Variants in ACTN3 observed in about 807,000 individuals in gnomAD.
ACTN3 encodes the protein alpha-actinin-3.
ACTN3 carries 91 observed loss-of-function variants against 119.6 expected under a neutral mutation model. The observed-to-expected ratio is 0.76, with a 90% CI of 0.64 to 0.91. ACTN3 has a LOEUF of 0.91. ACTN3 is among the 40% of genes least tolerant of loss of function. The pLI is 0.00. For missense variants in ACTN3, 1,221 were observed against 1,215.1 expected (o/e 1.00, Z -0.07); for synonymous variants, 456 against 478.8 (o/e 0.95, Z 0.62).
At position 66,563,139 on chromosome 11, in the gene ACTN3, A is replaced by C. The variant is rs1857836288; in HGVS notation, c.2652A>C (p.Gly884=). ...ACAAGGGATCCGGGGCCCCGGCTGG[A>C]GCCCTGGACTACGTGGCCTTCTCCA... is the stretch of plus-strand genomic sequence containing the variant. ...VPYKGSGAPA[G]ALDYVAFSSA... The change falls in exon 21 of 21, where the codon GGA becomes GGC. Residue 884 remains glycine (G), a synonymous_variant. Transcript: ENST00000513398. The C allele has an allele frequency of 6.2e-7, 1 of 1,613,094 alleles. No individual in the cohort carries two copies. Among genetic ancestry groups the C allele is most frequent in the African/African-American group, 1.3e-5 (1 of 74,900 alleles).
chr11:66,563,150 A>G lies in ACTN3; in HGVS notation c.2663A>G (p.Tyr888Cys), dbSNP rs1857836849. ...GSGAPAGALD[Y>C]VAFSSALYGE... Reference sequence around the variant, plus strand: ...GGGGCCCCGGCTGGAGCCCTGGACTACGTGGCCTTCTCCAGTGCCCTCTAT... The same window carrying G: ...GGGGCCCCGGCTGGAGCCCTGGACTGCGTGGCCTTCTCCAGTGCCCTCTAT... Residue 888 changes from tyrosine (Y) to cysteine (C), a missense_variant, in exon 21 of 21, where the codon TAC becomes TGC. Tyr to Cys is a radical substitution (Grantham distance 194). Around this residue, in one of 3 missense-constraint regions of ACTN3, gnomAD observed 934 missense variants for 899.9 expected, o/e 1.04. Transcript: ENST00000513398. 2 of 1,613,044 alleles carry G rather than the reference A, an allele frequency of 1.2e-6. No homozygotes were observed. Among genetic ancestry groups the G allele is most frequent in the Non-Finnish European group, 1.7e-6 (2 of 1,179,518 alleles).
At chr11:66,554,646 G>A in intron 5 of ACTN3, 23 bp downstream of exon 5, 6 of 1,596,838 alleles carry the variant, frequency 3.8e-6, no homozygotes, top group South Asian at 1.1e-5. Context: ...GTTACCAAAT[G>A]TGTCTGGGCC....
In ACTN3 at chr11:66,560,156, G is replaced by A. The variant is rs761075715; in HGVS notation, c.1537-15G>A. On this transcript the variant is annotated splice_polypyrimidine_tract_variant and intron_variant, in intron 13 of 20. Transcript: ENST00000513398. Reference sequence around the variant, plus strand: ...GCAGGGCAGGCTTCTGACCCACTACGCCTCCCACCTCTAGCGGATGGAGAA... The same window carrying A: ...GCAGGGCAGGCTTCTGACCCACTACACCTCCCACCTCTAGCGGATGGAGAA... 102 of 1,589,960 alleles carry A rather than the reference G, an allele frequency of 6.4e-5. No homozygotes were observed. Among genetic ancestry groups the A allele is most frequent in the South Asian group, 5.0e-4 (44 of 87,490 alleles).
intron 8 of ACTN3, 122 bp downstream of exon 8, chr11:66,556,352 C>G (rs1857590164): frequency 1.1e-6 from 1 of 901,936 alleles, no homozygotes; most frequent in Non-Finnish European, 1.7e-6. Context: ...GCTGCACACA[C>G]TCAGTCTTCA....
At chr11:66,555,516 G>A (rs1857574233) in intron 7 of ACTN3, 149 bp downstream of exon 7, 1 of 755,700 alleles carries the variant, frequency 1.3e-6, no homozygotes, top group Non-Finnish European at 2.2e-6. Context: ...TTCTCCAGGA[G>A]TCCTCTATCT....
At chr11:66,555,826 C>A (rs1231395736) in intron 7 of ACTN3, among the ~76,000 whole-genome samples, 1 of 152,188 alleles carries the variant, frequency 6.6e-6, no homozygotes, top group Non-Finnish European at 1.5e-5. Context: ...GGGAAAGACA[C>A]ACAGACCGAG....
At position 66,561,597 on chromosome 11, in the gene ACTN3, G is replaced by C; in HGVS notation, c.2135G>C (p.Ser712Thr). The change falls in exon 17 of 21, where the codon AGC becomes ACC. Residue 712 changes from serine (S) to threonine (T), a missense_variant. Physicochemically the swap from Ser to Thr is moderately conservative, Grantham distance 58. Coordinates refer to ENST00000513398, the MANE Select transcript of ACTN3 (RefSeq NM_001104.4). Reference protein sequence around the residue: ...LEGDHQLLQESLVFDNKHTVY... With the variant: ...LEGDHQLLQETLVFDNKHTVY... ...GGTGACCACCAGCTGCTGCAGGAGA[G>C]CCTGGTGTTCGACAATAAGCACACC... is the stretch of plus-strand genomic sequence containing the variant. The C allele has an allele frequency of 6.2e-7, 1 of 1,613,082 alleles. No homozygotes were observed. Among genetic ancestry groups the C allele is most frequent in the Non-Finnish European group, 8.5e-7 (1 of 1,179,600 alleles).
chr11:66,556,077 G>C (rs1340364116), intron 7 of ACTN3, 68 bp from the exon 8 acceptor site: 18 of 1,449,304 alleles, frequency 1.2e-5, no homozygotes, highest in Non-Finnish European at 1.7e-5. Context: ...CTCCCACCCA[G>C]AGAGAGTTCT....
rs1287647515 is a variant in ACTN3 at position 66,563,171 on chromosome 11, T to G, written c.2684T>G (p.Leu895Arg). 1 of 1,608,858 alleles carries G rather than the reference T, an allele frequency of 6.2e-7. No homozygotes were observed. Among genetic ancestry groups the G allele is most frequent in the Non-Finnish European group, 8.5e-7 (1 of 1,177,198 alleles). Residue 895 changes from leucine to arginine, a missense_variant, in exon 21 of 21, where the codon CTC becomes CGC. Coordinates refer to ENST00000513398, the MANE Select transcript of ACTN3 (RefSeq NM_001104.4). The part of the protein sequence containing the change: ...ALDYVAFSSA[L>R]YGESDL ...GACTACGTGGCCTTCTCCAGTGCCC[T>G]CTATGGGGAGAGCGACCTTTGACCC...
intron 12 of ACTN3, 50 bp downstream of exon 12, chr11:66,559,436 C>G (rs1285239463): frequency 1.4e-6 from 2 of 1,406,026 alleles, no homozygotes. Flanking sequence ...GCCCCGCCCC[C>G]GGTGGCGAGC....
rs754832354 is a variant in ACTN3 at position 66,560,264 on chromosome 11, G to A, written c.1630G>A (p.Glu544Lys). The A allele has an allele frequency of 2.5e-6, 4 of 1,613,400 alleles. No individual in the cohort carries two copies. In the South Asian group the frequency reaches 3.3e-5, roughly 13 times the overall value. Residue 544 changes from glutamate (E) to lysine (K), a missense_variant, in exon 14 of 21, where the codon GAG becomes AAG. Coordinates refer to ENST00000513398, the MANE Select transcript of ACTN3 (RefSeq NM_001104.4). ...PFNNWLDGAV[E>K]DLQDVWLVHS... ...CAACAACTGGCTGGATGGTGCCGTG[G>A]AGGACCTGCAGGACGTGTGGCTGGT... is the stretch of plus-strand genomic sequence containing the variant.
chr11:66,553,146 C>G (rs985445148), intron 3 of ACTN3, among the ~76,000 whole-genome samples: 1 of 151,642 alleles, frequency 6.6e-6, no homozygotes, highest in Non-Finnish European at 1.5e-5. Context: ...CCCAGCTACT[C>G]GGGAGGCTGA....
In ACTN3 at chr11:66,547,022, C is replaced by G; in HGVS notation, c.85C>G (p.Gln29Glu). ...CGGCGGGGGCGGCGAGTACATGGAA[C>G]AGGAGGAGGACTGGGACCGCGACCT... ...GGGGGGEYME[Q>E]EEDWDRDLLL... Residue 29 changes from glutamine to glutamate, a missense_variant, in exon 1 of 21, where the codon CAG (glutamine) becomes GAG (glutamate). Physicochemically the swap from Gln to Glu is conservative, Grantham distance 29 (BLOSUM62 2). Transcript: ENST00000513398. The G allele has an allele frequency of 6.6e-7, 1 of 1,522,510 alleles. No homozygotes were observed. The allele number at this position is 1,522,510 out of a possible 1,614,324, so 94.3% of individuals were successfully genotyped here. A position where few individuals can be genotyped will look rare whatever the true frequency, so the allele number is the denominator to read the frequency against.
At chr11:66,546,897 G>T (rs780815797), upstream of ACTN3, 1 of 1,522,870 alleles carries the variant, frequency 6.6e-7, no homozygotes, top group Admixed American at 2.2e-5. Flanking sequence ...CCGGGTGTCC[G>T]AGAGCGTGCC....
At chr11:66,553,919 A>T in intron 3 of ACTN3, 126 bp from the exon 4 acceptor site, 2 of 616,922 alleles carry the variant, frequency 3.2e-6, no homozygotes, top group Non-Finnish European at 5.7e-6. Flanking sequence ...GTGCTCACCT[A>T]CTAGGTGCCA....
chr11:66,557,026 G>T, intron 8 of ACTN3, 107 bp from the exon 9 acceptor site: 2 of 948,108 alleles, frequency 2.1e-6, no homozygotes, highest in Non-Finnish European at 3.2e-6. Context: ...CTCCCAAACT[G>T]CTGGGATTAC....
chr11:66,555,064 T>C, intron 5 of ACTN3, 66 bp from the exon 6 acceptor site: 1 of 1,471,816 alleles, frequency 6.8e-7, no homozygotes, highest in Non-Finnish European at 9.5e-7. Context: ...GGGGTGCTCC[T>C]GGGCCGAGGG....
chr11:66,551,803 C>T (rs1857478412), intron 3 of ACTN3, 156 bp downstream of exon 3: 9 of 676,058 alleles, frequency 1.3e-5, no homozygotes, highest in South Asian at 1.3e-4. Flanking sequence ...CAGCCAGGCA[C>T]GGTGGCTCAC....
intron 2 of ACTN3, 69 bp downstream of exon 2, chr11:66,551,422 G>A (rs1362772969): frequency 1.3e-6 from 2 of 1,564,696 alleles, no homozygotes; most frequent in East Asian, 4.8e-5. Flanking sequence ...GGGGAATAGG[G>A]TGGCGGAGTG....
Sources: gnomAD v4.1 joint callset for allele counts (sites outside exome capture counted in the v4.1 genomes callset) on GRCh38, gnomAD v4.1.1 for gene constraint, gnomAD v4.1.1 regional missense constraint, MANE v1.5 for transcripts, NCBI Gene and HGNC (gene_info 2026-07-23, HGNC 2026-07-21) for gene names.